Variants in KLF12 observed in about 807,000 individuals in gnomAD.
KLF12 encodes Krueppel-like factor 12.
KLF12 carries 9 observed loss-of-function variants against 37.8 expected under a neutral mutation model. That is an observed-to-expected ratio of 0.24 (90% CI 0.14 to 0.42). The LOEUF is 0.42. KLF12 is among the 10% of genes least tolerant of loss of function. The probability of loss-of-function intolerance (pLI) is 1.00; values close to 1 mark genes in which losing one functional copy is unlikely to be tolerated. For missense variants in KLF12, 411 were observed against 516.0 expected, an observed-to-expected ratio of 0.80 and a Z score of 1.97; for synonymous variants, 208 against 202.1, an observed-to-expected ratio of 1.03 and a Z score of -0.25.
chr13:74,207,060 A>G, the KLF12 span, among the ~76,000 whole-genome samples: 1 of 152,180 alleles, frequency 6.6e-6, no homozygotes, highest in African/African-American at 2.4e-5. Flanking sequence ...GCATTTGTTA[A>G]GGTCTACTGT....
chr13:74,302,912 G>A, the KLF12 span, among the ~76,000 whole-genome samples: 1 of 151,942 alleles, frequency 6.6e-6, no homozygotes, highest in Non-Finnish European at 1.5e-5. Context: ...CTTGGGTCAG[G>A]GCCTCCTAAT....
At chr13:73,859,067 C>T (rs1294136896) in intron 3 of KLF12, among the ~76,000 whole-genome samples, 1 of 152,132 alleles carries the variant, frequency 6.6e-6, no homozygotes, top group African/African-American at 2.4e-5. Flanking sequence ...ACCCAGAAAA[C>T]TGGGTTCACT....
At chr13:73,768,108 C>T (rs925979323) in intron 5 of KLF12, among the ~76,000 whole-genome samples, 1 of 152,182 alleles carries the variant, frequency 6.6e-6, no homozygotes, top group African/African-American at 2.4e-5. Flanking sequence ...ACCAGCCTGC[C>T]TGACTGAATC....
chr13:73,900,182 G>A (rs1244218780), intron 3 of KLF12, among the ~76,000 whole-genome samples: 1 of 152,120 alleles, frequency 6.6e-6, no homozygotes, highest in African/African-American at 2.4e-5. Flanking sequence ...TAATCTGACT[G>A]GAGATCCGGT....
intron 6 of KLF12, among the ~76,000 whole-genome samples, chr13:73,747,303 CAA>C (rs1429333252): frequency 1.3e-5 from 2 of 152,020 alleles, no homozygotes; most frequent in Non-Finnish European, 2.9e-5. Context: ...CTGCCATCAG[CAA>C]AGAGGTGAGT....
chr13:73,701,197 TG>T (rs1263621189), intron 7 of KLF12, among the ~76,000 whole-genome samples: 1 of 152,196 alleles, frequency 6.6e-6, no homozygotes, highest in Non-Finnish European at 1.5e-5. Context: ...TCCCAGGGCC[TG>T]GGCTGCTGCT....
chr13:73,861,729 A>G (rs1453118961), intron 3 of KLF12, among the ~76,000 whole-genome samples: 1 of 151,932 alleles, frequency 6.6e-6, no homozygotes, highest in Non-Finnish European at 1.5e-5. Context: ...TAACTCTTCC[A>G]TATGTGTTAA....
the KLF12 span, among the ~76,000 whole-genome samples, chr13:74,145,703 A>C: frequency 6.6e-6 from 1 of 152,148 alleles, no homozygotes; most frequent in Non-Finnish European, 1.5e-5. Context: ...GCAGCAAATA[A>C]ATATTTTGCC....
the KLF12 span, among the ~76,000 whole-genome samples, chr13:74,168,395 T>C: frequency 6.6e-6 from 1 of 152,302 alleles, no homozygotes; most frequent in Non-Finnish European, 1.5e-5. Flanking sequence ...GGCACAGGAG[T>C]GCTTGGCTGT....
At chr13:73,975,535 T>G (rs756569207) in intron 2 of KLF12, among the ~76,000 whole-genome samples, 1 of 152,240 alleles carries the variant, frequency 6.6e-6, no homozygotes, top group South Asian at 2.1e-4. Context: ...TCTCTTGTCC[T>G]ACTTTATTTC....
chr13:73,826,748 T>C (rs1883865799), intron 4 of KLF12, among the ~76,000 whole-genome samples: 1 of 149,496 alleles, frequency 6.7e-6, no homozygotes, highest in Non-Finnish European at 1.5e-5. Flanking sequence ...AAATGGCATA[T>C]AACAATATCA....
chr13:73,814,284 A>G (rs1188689916), intron 4 of KLF12, among the ~76,000 whole-genome samples: 1 of 152,212 alleles, frequency 6.6e-6, no homozygotes, highest in East Asian at 1.9e-4. Context: ...AGGTGAAATC[A>G]TGGTCATAAT....
chr13:74,169,208 T>C, the KLF12 span, among the ~76,000 whole-genome samples: 3 of 152,214 alleles, frequency 2.0e-5, no homozygotes, highest in Non-Finnish European at 2.9e-5. Context: ...TTCAATGATA[T>C]TATAATATTT....
At chr13:74,015,818 C>T (rs1892674279) in intron 1 of KLF12, among the ~76,000 whole-genome samples, 1 of 152,188 alleles carries the variant, frequency 6.6e-6, no homozygotes, top group African/African-American at 2.4e-5. Context: ...TTTCATTGGA[C>T]TCTCTTCTTG....
chr13:73,869,517 TAC>T (rs1268697738), intron 3 of KLF12, among the ~76,000 whole-genome samples: 1 of 152,128 alleles, frequency 6.6e-6, no homozygotes, highest in Non-Finnish European at 1.5e-5. Flanking sequence ...GGTTTAATTT[TAC>T]ATTTTCAAAA....
At chr13:74,143,950 T>G in the KLF12 span, among the ~76,000 whole-genome samples, 1 of 152,208 alleles carries the variant, frequency 6.6e-6, no homozygotes, top group African/African-American at 2.4e-5. Context: ...CAATTTACAG[T>G]TGGTTTACTG....
intron 3 of KLF12, among the ~76,000 whole-genome samples, chr13:73,938,352 G>C (rs1462308877): frequency 6.6e-6 from 1 of 152,042 alleles, no homozygotes; most frequent in Non-Finnish European, 1.5e-5. Context: ...TTTATTTCCT[G>C]CGTTAAGTAA....
chr13:73,858,050 T>A (rs1019866387), intron 3 of KLF12, among the ~76,000 whole-genome samples: 1 of 152,234 alleles, frequency 6.6e-6, no homozygotes, highest in Non-Finnish European at 1.5e-5. Flanking sequence ...CAATAGTTTT[T>A]CCATTAAGTG....
the KLF12 span, among the ~76,000 whole-genome samples, chr13:74,278,579 C>T: frequency 0.77 from 117,123 of 152,006 alleles, 45,375 homozygotes; most frequent in South Asian, 0.88. Flanking sequence ...ATTAAATCCT[C>T]GTGGTTGTTC....
Sources: gnomAD v4.1 joint callset for allele counts (sites outside exome capture counted in the v4.1 genomes callset) on GRCh38, gnomAD v4.1.1 for gene constraint, MANE v1.5 for transcripts, NCBI Gene and HGNC (gene_info 2026-07-23, HGNC 2026-07-21) for gene names.